Variants in SRPK2 observed in about 807,000 individuals in gnomAD.
SRPK2 encodes SFRS protein kinase 2.
In SRPK2, 21 loss-of-function variants were observed where a neutral mutation model predicts 90.8. That is an observed-to-expected ratio of 0.23 (90% CI 0.16 to 0.33). The LOEUF (loss-of-function observed/expected upper bound fraction) is 0.33, where lower values mean the gene tolerates loss of function less well. SRPK2 is among the 10% of genes least tolerant of loss of function. The pLI is 1.00. For synonymous variants in SRPK2, 288 were observed against 311.1 expected, an observed-to-expected ratio of 0.93 and a Z score of 0.78; for missense variants, 620 against 869.0, an observed-to-expected ratio of 0.71 and a Z score of 3.60.
chr7:105,123,728 T>A (rs1461536400), intron 15 of SRPK2, among the ~76,000 whole-genome samples: 4 of 152,144 alleles, frequency 2.6e-5, no homozygotes, highest in Non-Finnish European at 5.9e-5. Flanking sequence ...ATCCTGTGAC[T>A]TCTGTAAAAA....
chr7:105,190,277 T>C (rs1794116904), intron 3 of SRPK2, among the ~76,000 whole-genome samples: 2 of 152,304 alleles, frequency 1.3e-5, no homozygotes, highest in East Asian at 1.9e-4. Flanking sequence ...AATATAAACT[T>C]TGGGTTACAC....
At chr7:105,354,059 C>G (rs1263867620) in intron 2 of SRPK2, among the ~76,000 whole-genome samples, 1 of 152,214 alleles carries the variant, frequency 6.6e-6, no homozygotes, top group Admixed American at 6.5e-5. Context: ...GGCCCAACAG[C>G]TGCTGCATCT....
At chr7:105,362,694 G>A (rs991502090) in intron 2 of SRPK2, among the ~76,000 whole-genome samples, 6 of 151,970 alleles carry the variant, frequency 3.9e-5, no homozygotes, top group Admixed American at 2.6e-4. Context: ...TCCCATTAAC[G>A]GGTATATACC....
At chr7:105,206,724 T>C (rs1796274695) in intron 2 of SRPK2, among the ~76,000 whole-genome samples, 1 of 152,154 alleles carries the variant, frequency 6.6e-6, no homozygotes, top group South Asian at 2.1e-4. Flanking sequence ...AAGTATAAAA[T>C]ACATGTTAGA....
chr7:105,202,752 C>T (rs1585158591), intron 3 of SRPK2, among the ~76,000 whole-genome samples: 1 of 152,188 alleles, frequency 6.6e-6, no homozygotes, highest in African/African-American at 2.4e-5. Context: ...ATGTCTTTTT[C>T]GTTAAGTACA....
chr7:105,192,171 A>T (rs987603896), intron 3 of SRPK2, among the ~76,000 whole-genome samples: 1 of 151,906 alleles, frequency 6.6e-6, no homozygotes. Context: ...TAGAGTATAC[A>T]CTGAACCCAG....
At chr7:105,357,893 G>A (rs181541965) in intron 2 of SRPK2, among the ~76,000 whole-genome samples, 1 of 152,194 alleles carries the variant, frequency 6.6e-6, no homozygotes, top group African/African-American at 2.4e-5. Flanking sequence ...GAACAACGCA[G>A]GGATTAGGGA....
At chr7:105,337,637 G>A (rs1021627995) in intron 2 of SRPK2, among the ~76,000 whole-genome samples, 2 of 152,026 alleles carry the variant, frequency 1.3e-5, no homozygotes, top group Non-Finnish European at 2.9e-5. Flanking sequence ...TATATAAAGA[G>A]AGACACCAGA....
chr7:105,131,365 C>A (rs1178485582), intron 13 of SRPK2, among the ~76,000 whole-genome samples: 1 of 152,224 alleles, frequency 6.6e-6, no homozygotes, highest in African/African-American at 2.4e-5. Flanking sequence ...CCTCTCCACA[C>A]AGCACTCTCT....
downstream of SRPK2, among the ~76,000 whole-genome samples, chr7:105,115,724 A>T (rs1799580842): frequency 6.6e-6 from 1 of 152,178 alleles, no homozygotes; most frequent in South Asian, 2.1e-4. Flanking sequence ...CATAAGGGAC[A>T]CACCTGTAAA....
chr7:105,330,541 C>T (rs1160038260), intron 2 of SRPK2, among the ~76,000 whole-genome samples: 1 of 152,042 alleles, frequency 6.6e-6, no homozygotes, highest in Non-Finnish European at 1.5e-5. Flanking sequence ...ACTGACATGA[C>T]TCTTCCTAGA....
chr7:105,294,394 G>A (rs1396344928), intron 2 of SRPK2, among the ~76,000 whole-genome samples: 2 of 152,114 alleles, frequency 1.3e-5, no homozygotes, highest in Admixed American at 6.5e-5. Context: ...TCTCTTCAGA[G>A]GTTTTGGTGA....
At chr7:105,296,913 T>C (rs1809893094) in intron 2 of SRPK2, among the ~76,000 whole-genome samples, 1 of 152,072 alleles carries the variant, frequency 6.6e-6, no homozygotes, top group Non-Finnish European at 1.5e-5. Flanking sequence ...AGCTAGCAAA[T>C]GGTAAAGCTG....
intron 2 of SRPK2, among the ~76,000 whole-genome samples, chr7:105,356,065 T>A (rs973365968): frequency 1.3e-5 from 2 of 151,906 alleles, no homozygotes; most frequent in African/African-American, 4.8e-5. Flanking sequence ...TTAAATTAAA[T>A]AAATAAATAT....
At chr7:105,346,049 T>A (rs1452800404) in intron 2 of SRPK2, among the ~76,000 whole-genome samples, 1 of 152,120 alleles carries the variant, frequency 6.6e-6, no homozygotes, top group Non-Finnish European at 1.5e-5. Flanking sequence ...TAAAAAAGAG[T>A]GCAAAATTTT....
intron 6 of SRPK2, among the ~76,000 whole-genome samples, chr7:105,161,936 C>G (rs561561633): frequency 6.6e-6 from 1 of 152,192 alleles, no homozygotes; most frequent in East Asian, 1.9e-4. Flanking sequence ...TTAAAAAAGA[C>G]AGGGTCTCAC....
At chr7:105,250,795 T>C (rs1265926540) in intron 2 of SRPK2, among the ~76,000 whole-genome samples, 1 of 152,228 alleles carries the variant, frequency 6.6e-6, no homozygotes. Context: ...CCATAAAACC[T>C]GTAATTCCAT....
At chr7:105,280,375 A>T (rs999579008) in intron 2 of SRPK2, among the ~76,000 whole-genome samples, 1 of 151,868 alleles carries the variant, frequency 6.6e-6, no homozygotes, top group Non-Finnish European at 1.5e-5. Flanking sequence ...GAAGACTGAG[A>T]TCACACCACT....
chr7:105,229,447 G>A (rs1002909573), intron 2 of SRPK2, among the ~76,000 whole-genome samples: 1 of 150,526 alleles, frequency 6.6e-6, no homozygotes, highest in Non-Finnish European at 1.5e-5. Context: ...CTGGGCGACA[G>A]AGCAAGACTC....
Sources: gnomAD v4.1 joint callset for allele counts (sites outside exome capture counted in the v4.1 genomes callset) on GRCh38, gnomAD v4.1.1 for gene constraint, MANE v1.5 for transcripts, NCBI Gene and HGNC (gene_info 2026-07-23, HGNC 2026-07-21) for gene names.